The following ABLIM1 variants were observed in gnomAD, a reference collection of about 807,000 sequenced individuals.
ABLIM1 encodes the protein actin-binding LIM protein 1.
Under a neutral mutation model 107.0 loss-of-function variants are expected in ABLIM1, and 40 were observed. The observed-to-expected ratio is 0.37, with a 90% confidence interval of 0.29 to 0.49. The LOEUF (loss-of-function observed/expected upper bound fraction) is 0.49, where lower values mean the gene tolerates loss of function less well. Ranked by LOEUF, ABLIM1 falls within the 20% of genes least tolerant of loss-of-function variation. The probability of loss-of-function intolerance (pLI) is 0.97; values close to 1 mark genes in which losing one functional copy is unlikely to be tolerated. For missense variants in ABLIM1, 857 were observed against 1,008.5 expected, an observed-to-expected ratio of 0.85 and a Z score of 2.04; for synonymous variants, 357 against 357.3, an observed-to-expected ratio of 1.00 and a Z score of 0.01.
intron 6 of ABLIM1, among the ~76,000 whole-genome samples, chr10:114,498,449 A>G (rs1040749975): frequency 2.0e-5 from 3 of 152,220 alleles, no homozygotes; most frequent in African/African-American, 4.8e-5. Context: ...GGGAACAGAA[A>G]AAGAGAATTG....
chr10:114,745,854 C>T (rs2082373650), intron 1 of ABLIM1, among the ~76,000 whole-genome samples: 1 of 152,128 alleles, frequency 6.6e-6, no homozygotes, highest in Non-Finnish European at 1.5e-5. Context: ...AAAAAAATTC[C>T]TAAGCACCAG....
intron 15 of ABLIM1, among the ~76,000 whole-genome samples, chr10:114,447,668 G>T (rs796733903): frequency 2.6e-5 from 4 of 152,312 alleles, no homozygotes; most frequent in African/African-American, 9.6e-5. Context: ...GGTTTGGTTA[G>T]AACAAGACTC....
chr10:114,547,604 C>T (rs559514178), intron 5 of ABLIM1, 46 bp downstream of exon 5: 1 of 1,607,154 alleles, frequency 6.2e-7, no homozygotes, highest in Non-Finnish European at 8.5e-7. Context: ...AGAACCACAA[C>T]GCCCGGTGCC....
In ABLIM1 at chr10:114,575,508, G is replaced by C; in HGVS notation, c.471C>G (p.Arg157=). 18 of 1,614,224 alleles carry C rather than the reference G, an allele frequency of 1.1e-5. No homozygotes were observed. Among genetic ancestry groups the C allele is most frequent in the Non-Finnish European group, 1.5e-5 (18 of 1,180,040 alleles). ...CCACGAACTCCCCACAGCCATGGCAGCGTGTCCCGTACATCCGCTGGTAGT... is the reference window on the plus strand; with the variant it reads ...CCACGAACTCCCCACAGCCATGGCACCGTGTCCCGTACATCCGCTGGTAGT... ...TLDYQRMYGT[R]CHGCGEFVEG... The change falls in exon 3 of 23, where the codon CGC becomes CGG. Residue 157 remains arginine, a synonymous_variant. Coordinates refer to ENST00000533213, the MANE Select transcript of ABLIM1 (RefSeq NM_002313.7).
the ABLIM1 span, among the ~76,000 whole-genome samples, chr10:114,798,280 G>T: frequency 2.6e-5 from 4 of 151,986 alleles, no homozygotes; most frequent in Admixed American, 6.6e-5. Context: ...AATTAGCTGG[G>T]TGTGGTGGTG....
chr10:114,771,975 A>G (rs1351885616), upstream of ABLIM1, among the ~76,000 whole-genome samples: 1 of 152,220 alleles, frequency 6.6e-6, no homozygotes. Context: ...TTACTCCCAC[A>G]GCTTTTCAGC....
chr10:114,622,247 CTTTTTTT>C (rs71007483), intron 1 of ABLIM1, among the ~76,000 whole-genome samples: 5 of 136,570 alleles, frequency 3.7e-5, no homozygotes, highest in Non-Finnish European at 6.3e-5. Context: ...TTTTCTTTTT[CTTTTTTT>C]TTTTTTTTTT....
intron 2 of ABLIM1, among the ~76,000 whole-genome samples, chr10:114,578,148 T>C (rs1465264197): frequency 6.6e-6 from 1 of 152,118 alleles, no homozygotes; most frequent in Non-Finnish European, 1.5e-5. Flanking sequence ...ACTATAACTT[T>C]ATGCGAGGGA....
upstream of ABLIM1, among the ~76,000 whole-genome samples, chr10:114,687,159 G>A (rs887828961): frequency 6.6e-6 from 1 of 152,168 alleles, no homozygotes; most frequent in African/African-American, 2.4e-5. Flanking sequence ...TTGTTAAACA[G>A]TTTTCTTAAC....
chr10:114,798,041 C>A, the ABLIM1 span, among the ~76,000 whole-genome samples: 1 of 152,320 alleles, frequency 6.6e-6, no homozygotes, highest in Non-Finnish European at 1.5e-5. Flanking sequence ...GTCCACAAAG[C>A]AGGTAACTGT....
At chr10:114,532,348 G>A (rs1329518503) in intron 6 of ABLIM1, among the ~76,000 whole-genome samples, 2 of 152,186 alleles carry the variant, frequency 1.3e-5, no homozygotes, top group Non-Finnish European at 2.9e-5. Flanking sequence ...GGCTGGATGG[G>A]CACCAGCCCT....
Position 114,705,876 on chromosome 10 carries a change from C to T in ABLIM1, c.-213+62185G>A, listed in dbSNP as rs192779481. On this transcript the variant is annotated intron_variant, in intron 1 of 15. Coordinates refer to the ABLIM1 transcript ENST00000651092. ...AGACTACAGTGCAAGGACAGAGTAG[C>T]GAAGTGGGAGTATGGATCAAATTAC... 1.6e-3 allele frequency among the ~76,000 whole-genome samples: 244 copies of T among 152,250 alleles called. 1 individual carries two copies. Among genetic ancestry groups the T allele is most frequent in the African/African-American group, 5.7e-3 (235 of 41,542 alleles).
At chr10:114,692,203 C>T (rs2081094201) in intron 1 of ABLIM1, among the ~76,000 whole-genome samples, 1 of 152,238 alleles carries the variant, frequency 6.6e-6, no homozygotes. Flanking sequence ...GTTAACAATT[C>T]TGCTGACAGT....
intron 11 of ABLIM1, among the ~76,000 whole-genome samples, chr10:114,466,325 T>A (rs565962628): frequency 3.3e-5 from 5 of 151,938 alleles, no homozygotes; most frequent in Admixed American, 1.3e-4. Flanking sequence ...AAAAAAAAAA[T>A]TTTAAGGATG....
chr10:114,443,031 G>A (rs982481820), intron 17 of ABLIM1, among the ~76,000 whole-genome samples: 5 of 151,912 alleles, frequency 3.3e-5, no homozygotes, highest in African/African-American at 1.2e-4. Flanking sequence ...GTAGAGACGG[G>A]GTTTCACTGT....
intron 6 of ABLIM1, among the ~76,000 whole-genome samples, chr10:114,506,180 G>A (rs1243643806): frequency 2.0e-5 from 3 of 152,186 alleles, no homozygotes; most frequent in South Asian, 2.1e-4. Flanking sequence ...ATGTTGTTGC[G>A]AAGGACATGA....
intron 2 of ABLIM1, among the ~76,000 whole-genome samples, chr10:114,576,892 GATCATATT>G (rs1187656218): frequency 6.6e-6 from 1 of 152,140 alleles, no homozygotes; most frequent in African/African-American, 2.4e-5. Flanking sequence ...ATACTCCTGT[GATCATATT>G]ATCTGGAAAA....
intron 6 of ABLIM1, among the ~76,000 whole-genome samples, chr10:114,515,060 G>A (rs1018275127): frequency 6.6e-6 from 1 of 152,184 alleles, no homozygotes; most frequent in South Asian, 2.1e-4. Context: ...AATGCAGCAG[G>A]GGATGGGTGA....
At chr10:114,533,727 C>T (rs1034637124) in intron 6 of ABLIM1, among the ~76,000 whole-genome samples, 42 of 152,204 alleles carry the variant, frequency 2.8e-4, no homozygotes, top group African/African-American at 9.2e-4. Flanking sequence ...AGTGCAGTGG[C>T]GTGTGATCAT....
Sources: allele counts gnomAD v4.1 joint callset (sites outside exome capture counted in the v4.1 genomes callset), GRCh38; gene constraint gnomAD v4.1.1; transcripts MANE v1.5; gene names NCBI Gene and HGNC (gene_info 2026-07-23, HGNC 2026-07-21).